Variants in SCRN1 observed in about 807,000 individuals in gnomAD.
The protein encoded by SCRN1 is secernin-1.
A neutral mutation model predicts 43.3 loss-of-function variants in SCRN1; 19 were observed. The observed-to-expected ratio is 0.44, with a 90% CI of 0.31 to 0.64. SCRN1 has a LOEUF of 0.64. Ranked by LOEUF, SCRN1 falls within the 30% of genes least tolerant of loss-of-function variation. The pLI, the probability that SCRN1 is intolerant of heterozygous loss-of-function variation, is 0.09. For missense variants in SCRN1, 447 were observed against 524.1 expected, an observed-to-expected ratio of 0.85 and a Z score of 1.44; for synonymous variants, 183 against 188.9, an observed-to-expected ratio of 0.97 and a Z score of 0.26.
intron 6 of SCRN1, among the ~76,000 whole-genome samples, chr7:29,929,247 G>A (rs746872534): frequency 5.3e-5 from 8 of 152,174 alleles, no homozygotes; most frequent in Non-Finnish European, 7.3e-5. Context: ...AGGGCTCTGC[G>A]CTGGGCAGAA....
intron 6 of SCRN1, among the ~76,000 whole-genome samples, chr7:29,934,605 AGGAG>A (rs1787262163): frequency 1.3e-5 from 2 of 152,222 alleles, no homozygotes; most frequent in Admixed American, 1.3e-4. Flanking sequence ...ACAGTCCAGG[AGGAG>A]GGAGGCCCAG....
chr7:29,952,464 C>T (rs1257139174), intron 3 of SCRN1, among the ~76,000 whole-genome samples: 5 of 152,012 alleles, frequency 3.3e-5, no homozygotes, highest in Admixed American at 2.0e-4. Flanking sequence ...CTGAGGCAGG[C>T]GGATCACTTG....
intron 3 of SCRN1, among the ~76,000 whole-genome samples, chr7:29,944,898 T>A (rs779026271): frequency 1.3e-5 from 2 of 152,046 alleles, no homozygotes; most frequent in Non-Finnish European, 2.9e-5. Flanking sequence ...GACTCTAACC[T>A]GGGCAAAAGG....
At chr7:29,941,240 C>T (rs1000275506) in intron 4 of SCRN1, among the ~76,000 whole-genome samples, 1 of 152,192 alleles carries the variant, frequency 6.6e-6, no homozygotes, top group African/African-American at 2.4e-5. Flanking sequence ...ACTGAGCTAA[C>T]AAGACTTAGC....
rs1440525365 is a variant in SCRN1, at chr7:29,920,280, A to ATTC, written c.*3674_*3676dup. The stretch of plus-strand genomic sequence containing the variant: ...ATGATTTTCTTTTTTTTTTATTATT[A>ATTC]TTCCCTGCCAATAGCATTTTCCATC... On this transcript the variant is annotated 3_prime_UTR_variant, in exon 8 of 8. Transcript: ENST00000242059. 1 of 152,144 alleles carries ATTC rather than the reference A, an allele frequency of 6.6e-6. No homozygotes were observed. The highest frequency in any genetic ancestry group is 2.4e-5 in the African/African-American group (1 of 41,338). The allele number at this position is 152,144 out of a possible 1,614,324, so 9.4% of individuals were successfully genotyped here. A position where few individuals can be genotyped will look rare whatever the true frequency, so the allele number is the denominator to read the frequency against.
At chr7:29,942,400 A>T (rs1240144536) in intron 4 of SCRN1, among the ~76,000 whole-genome samples, 1 of 152,212 alleles carries the variant, frequency 6.6e-6, no homozygotes, top group Non-Finnish European at 1.5e-5. Context: ...TAATGGAAGC[A>T]TTCATTTTGT....
chr7:29,969,493 C>A (rs1788601886), intron 1 of SCRN1, among the ~76,000 whole-genome samples: 1 of 152,180 alleles, frequency 6.6e-6, no homozygotes. Flanking sequence ...GCATAGCCAC[C>A]ACATAACAGA....
At chr7:29,988,153 T>C (rs1789221050) in intron 1 of SCRN1, among the ~76,000 whole-genome samples, 1 of 152,236 alleles carries the variant, frequency 6.6e-6, no homozygotes, top group Admixed American at 6.5e-5. Flanking sequence ...AAACTTGATC[T>C]AAGAACCTGG....
intron 6 of SCRN1, among the ~76,000 whole-genome samples, chr7:29,932,070 G>C (rs1787172520): frequency 6.6e-6 from 1 of 152,218 alleles, no homozygotes; most frequent in African/African-American, 2.4e-5. Context: ...AAGGGAAAGA[G>C]AGCCAGTACT....
chr7:29,949,330 A>T (rs1170299493), intron 3 of SCRN1, among the ~76,000 whole-genome samples: 1 of 151,208 alleles, frequency 6.6e-6, no homozygotes, highest in African/African-American at 2.4e-5. Flanking sequence ...AGAAAAAAAA[A>T]AAGGGCACCC....
Position 29,968,976 on chromosome 7 carries a change from G to C in SCRN1, c.92C>G (p.Pro31Arg). 1 of 1,614,048 alleles carries C rather than the reference G, an allele frequency of 6.2e-7. No individual in the cohort carries two copies. Among genetic ancestry groups the C allele is most frequent in the Non-Finnish European group, 8.5e-7 (1 of 1,180,006 alleles). ...LVVFGKNSAR[P>R]RDEVQEVVYF... The stretch of plus-strand genomic sequence containing the variant: ...CACAACCTCTTGCACTTCATCTCTG[G>C]GCCGGGCTGAATTTTTCCCAAATAC... The change falls in exon 2 of 8, where the codon CCC (proline) becomes CGC (arginine). Residue 31 changes from proline (P) to arginine (R), a missense_variant. Coordinates refer to ENST00000242059, the MANE Select transcript of SCRN1 (RefSeq NM_014766.5).
chr7:29,983,151 TC>T (rs1251300487), intron 1 of SCRN1, among the ~76,000 whole-genome samples: 1 of 151,930 alleles, frequency 6.6e-6, no homozygotes, highest in African/African-American at 2.4e-5. Context: ...AAGTGTCTCT[TC>T]TTTGGTGTGA....
In SCRN1 at chr7:29,940,613, C is replaced by G. The variant is rs375510462; in HGVS notation, c.739+69G>C. On this transcript the variant is annotated intron_variant, in intron 5 of 7. Coordinates refer to ENST00000242059, the MANE Select transcript of SCRN1 (RefSeq NM_014766.5). The stretch of plus-strand genomic sequence containing the variant: ...TTTTGTTCACCCTTCTAAGTTCAGA[C>G]AAGTTCTCAGAAACAGCTGCAAGAG... The G allele has an allele frequency of 2.9e-4, 421 of 1,434,112 alleles. 3 individuals are homozygous for G. In the African/African-American group the frequency reaches 5.5e-3, roughly 19 times the overall value. 88.8% of individuals were successfully genotyped at this position (1,434,112 alleles called of 1,614,324 possible).
intron 2 of SCRN1, among the ~76,000 whole-genome samples, chr7:29,959,234 C>A (rs147498880): frequency 6.6e-6 from 1 of 152,246 alleles, no homozygotes; most frequent in African/African-American, 2.4e-5. Context: ...AACCCTGGCA[C>A]CACCAGCAAA....
rs1787879403 is a variant in SCRN1, at chr7:29,950,337, CA to C, written c.341+4841del. Among the ~76,000 whole-genome samples, 1 of 152,218 alleles carries C rather than the reference CA, an allele frequency of 6.6e-6. No individual in the cohort carries two copies. The highest frequency in any genetic ancestry group is 1.5e-5 in the Non-Finnish European group (1 of 68,048). ...GCCTCGGGCTTCTCCAGACTTTGGGCATCAATGAGCACAGGAGGGAGGCTGG... is the reference window on the plus strand; with the variant it reads ...GCCTCGGGCTTCTCCAGACTTTGGGCTCAATGAGCACAGGAGGGAGGCTGG... On this transcript the variant is annotated intron_variant, in intron 3 of 7. Transcript: ENST00000242059. The surrounding 1 kb of genome is among the most constrained non-coding windows in gnomAD (Gnocchi z 4.5).
Position 29,965,746 on chromosome 7 carries a change from C to T in SCRN1, c.159+3163G>A, listed in dbSNP as rs62448123. Among the ~76,000 whole-genome samples, 42,216 of 151,890 alleles carry T rather than the reference C, an allele frequency of 0.28. 6,323 individuals are homozygous for T. Among genetic ancestry groups the T allele is most frequent in the African/African-American group, 0.39 (16,124 of 41,400 alleles). ...CACTATACTTATGTATGGAAGGGGA[C>T]AGGATTTAACCTAAATATATCTGAG... On this transcript the variant is annotated intron_variant, in intron 2 of 7. Transcript: ENST00000242059. This position sits in a 1 kb window ranked among gnomAD's most constrained non-coding sequence, Gnocchi z 4.2.
intron 6 of SCRN1, among the ~76,000 whole-genome samples, chr7:29,928,383 C>G (rs927630046): frequency 6.6e-6 from 1 of 152,208 alleles, no homozygotes; most frequent in African/African-American, 2.4e-5. Context: ...CTTAGGTTAG[C>G]TTCCTGATGT....
upstream of SCRN1, chr7:29,989,893 GC>G (rs907964067): frequency 5.7e-6 from 6 of 1,052,502 alleles, no homozygotes; most frequent in African/African-American, 1.0e-4. Context: ...GGCCCCCGGG[GC>G]CCCGCCGCAC....
At position 29,921,361 on chromosome 7, in the gene SCRN1, T is replaced by C. The variant is rs1208774956; in HGVS notation, c.*2596A>G. 6.6e-6 allele frequency: 1 copy of C among 152,258 alleles called. No individual in the cohort carries two copies. 9.4% of individuals were successfully genotyped at this position (152,258 alleles called of 1,614,324 possible). A position where few individuals can be genotyped will look rare whatever the true frequency, so the allele number is the denominator to read the frequency against. ...TAACAAGCATTTTTCAAAAGCAAAA[T>C]CTGTTAGGAACATTTAAAAATGAAC... is the stretch of plus-strand genomic sequence containing the variant. On this transcript the variant is annotated 3_prime_UTR_variant, in exon 8 of 8. Transcript: ENST00000242059.
Sources: allele counts gnomAD v4.1 joint callset (sites outside exome capture counted in the v4.1 genomes callset), GRCh38; gene constraint gnomAD v4.1.1; non-coding constraint Gnocchi (gnomAD v3.1); transcripts MANE v1.5; gene names NCBI Gene and HGNC (gene_info 2026-07-23, HGNC 2026-07-21).